The following ROBO1 variants were observed in gnomAD, a reference collection of about 807,000 sequenced individuals.
ROBO1 encodes the protein roundabout homolog 1.
A neutral mutation model predicts 195.9 loss-of-function variants in ROBO1; 149 were observed. The observed-to-expected ratio is 0.76, with a 90% CI of 0.67 to 0.87. The LOEUF (loss-of-function observed/expected upper bound fraction) is 0.87, where lower values mean the gene tolerates loss of function less well. ROBO1 is among the 40% of genes least tolerant of loss of function. The probability of loss-of-function intolerance (pLI) is 0.00; values close to 1 mark genes in which losing one functional copy is unlikely to be tolerated. For synonymous variants in ROBO1, 816 were observed against 733.2 expected (o/e 1.11, Z -1.82); for missense variants, 1,933 against 2,068.3 (o/e 0.93, Z 1.27).
intron 3 of ROBO1, among the ~76,000 whole-genome samples, chr3:78,956,243 G>C (rs747735231): frequency 3.4e-4 from 51 of 151,970 alleles, no homozygotes; most frequent in Non-Finnish European, 6.2e-4. Context: ...ATGTCTAGTT[G>C]ATCTAATAGA....
chr3:79,277,618 G>A (rs937969709), intron 2 of ROBO1, among the ~76,000 whole-genome samples: 18 of 151,928 alleles, frequency 1.2e-4, no homozygotes, highest in African/African-American at 4.8e-5. Flanking sequence ...ATAATTAAGA[G>A]TATAATTGGA....
chr3:78,892,798 C>T (rs2036982604), intron 4 of ROBO1, among the ~76,000 whole-genome samples: 2 of 152,160 alleles, frequency 1.3e-5, no homozygotes, highest in African/African-American at 4.8e-5. Flanking sequence ...TAGTTGGCTT[C>T]ATATCATTGA....
intron 2 of ROBO1, among the ~76,000 whole-genome samples, chr3:79,383,466 G>A (rs1374798688): frequency 6.6e-6 from 1 of 151,964 alleles, no homozygotes; most frequent in Admixed American, 6.6e-5. Context: ...AGTAAAAAAT[G>A]GACCTGGAGG....
chr3:78,985,311 ATAATAT>A (rs528979545), intron 3 of ROBO1, among the ~76,000 whole-genome samples: 69 of 152,284 alleles, frequency 4.5e-4, no homozygotes, highest in African/African-American at 1.6e-3. Context: ...AAAAATAATA[ATAATAT>A]TTTCTTTCTC....
At chr3:78,813,813 C>A (rs2084817776) in intron 4 of ROBO1, among the ~76,000 whole-genome samples, 1 of 151,980 alleles carries the variant, frequency 6.6e-6, no homozygotes, top group Admixed American at 6.6e-5. Flanking sequence ...TATTGAAGTC[C>A]ACTACAGGCA....
At chr3:79,575,210 G>GAT (rs1402864981) in intron 2 of ROBO1, among the ~76,000 whole-genome samples, 2 of 100,532 alleles carry the variant, frequency 2.0e-5, no homozygotes, top group South Asian at 2.9e-4. Flanking sequence ...ATATATAACA[G>GAT]ATATATATAT....
intron 3 of ROBO1, among the ~76,000 whole-genome samples, chr3:78,959,616 A>G (rs1393107596): frequency 1.3e-5 from 2 of 152,184 alleles, no homozygotes; most frequent in African/African-American, 4.8e-5. Flanking sequence ...GGCCTGTGAT[A>G]TAAGTATAGT....
intron 1 of ROBO1, among the ~76,000 whole-genome samples, chr3:79,660,302 T>C (rs916637720): frequency 1.3e-5 from 2 of 151,630 alleles, no homozygotes; most frequent in Non-Finnish European, 2.9e-5. Context: ...TCAAAGGCTA[T>C]ACATTAGTGG....
intron 1 of ROBO1, among the ~76,000 whole-genome samples, chr3:79,668,836 A>G (rs907376823): frequency 1.3e-5 from 2 of 151,778 alleles, no homozygotes; most frequent in Non-Finnish European, 2.9e-5. Context: ...TTCAAAGAAA[A>G]CGGGAATAGA....
chr3:78,922,039 C>T (rs527389159), intron 4 of ROBO1, among the ~76,000 whole-genome samples: 5 of 152,074 alleles, frequency 3.3e-5, no homozygotes, highest in South Asian at 4.2e-4. Flanking sequence ...CTGCCCACCT[C>T]GGCCTCCCAA....
intron 3 of ROBO1, among the ~76,000 whole-genome samples, chr3:78,944,854 CAGG>C (rs1405832647): frequency 6.6e-6 from 1 of 152,188 alleles, no homozygotes; most frequent in Non-Finnish European, 1.5e-5. Flanking sequence ...AACGGCACAC[CAGG>C]AGATTATATC....
intron 2 of ROBO1, among the ~76,000 whole-genome samples, chr3:79,561,304 A>G (rs529943405): frequency 6.6e-6 from 1 of 152,316 alleles, no homozygotes; most frequent in Non-Finnish European, 1.5e-5. Context: ...GTGGCCTCCT[A>G]AAAGGAGTTA....
chr3:79,059,769 TA>T (rs2108397343), intron 3 of ROBO1, among the ~76,000 whole-genome samples: 1 of 152,204 alleles, frequency 6.6e-6, no homozygotes, highest in South Asian at 2.1e-4. Flanking sequence ...CTCATCTTCC[TA>T]AACTGAGGAT....
Position 78,717,372 on chromosome 3 carries a change from T to G in ROBO1, c.820A>C (p.Thr274Pro). ...FVKRPSNLAVTVDDSAEFKCE... is the reference protein window; with the variant it reads ...FVKRPSNLAVPVDDSAEFKCE... ...TTAAATTCTGCACTGTCATCCACAG[T>G]TACTGCCAAGTTACTGGGTCTCTTC... The change falls in exon 7 of 31, where the codon ACT (threonine) becomes CCT (proline). Residue 274 changes from threonine (T) to proline (P), a missense_variant. This residue lies in a region of ROBO1 where 1,737 missense variants were observed against 1,882.5 expected (regional missense o/e 0.92). Coordinates refer to ENST00000464233, the MANE Select transcript of ROBO1 (RefSeq NM_002941.4). The G allele has an allele frequency of 6.2e-7, 1 of 1,613,656 alleles. No homozygotes were observed. The highest frequency in any genetic ancestry group is 8.5e-7 in the Non-Finnish European group (1 of 1,179,606).
At chr3:79,499,220 C>T (rs1218447612) in intron 2 of ROBO1, among the ~76,000 whole-genome samples, 1 of 152,154 alleles carries the variant, frequency 6.6e-6, no homozygotes, top group African/African-American at 2.4e-5. Context: ...GTCTCGAACT[C>T]CCGACCTCAG....
intron 2 of ROBO1, among the ~76,000 whole-genome samples, chr3:79,239,285 T>C (rs2082469651): frequency 6.6e-6 from 1 of 152,180 alleles, no homozygotes; most frequent in Non-Finnish European, 1.5e-5. Flanking sequence ...TAAACAGGTA[T>C]CATGTAAAAG....
At chr3:79,093,968 C>T (rs2079522488) in intron 3 of ROBO1, among the ~76,000 whole-genome samples, 1 of 151,962 alleles carries the variant, frequency 6.6e-6, no homozygotes, top group South Asian at 2.1e-4. Context: ...TTTCTGCCTA[C>T]TAAAATGTAA....
intron 3 of ROBO1, among the ~76,000 whole-genome samples, chr3:79,080,350 T>A (rs921457382): frequency 6.6e-6 from 1 of 151,906 alleles, no homozygotes; most frequent in Non-Finnish European, 1.5e-5. Context: ...TGAAAATATG[T>A]GTTTCTAGCC....
At chr3:78,880,760 A>G (rs1287901876) in intron 4 of ROBO1, among the ~76,000 whole-genome samples, 2 of 152,138 alleles carry the variant, frequency 1.3e-5, no homozygotes, top group Admixed American at 6.6e-5. Context: ...CCAGTCTGCT[A>G]AAGAGCAGCT....
Sources: allele counts gnomAD v4.1 joint callset (sites outside exome capture counted in the v4.1 genomes callset), GRCh38; gene constraint gnomAD v4.1.1; regional missense constraint gnomAD v4.1.1; transcripts MANE v1.5; gene names NCBI Gene and HGNC (gene_info 2026-07-23, HGNC 2026-07-21).